SEMA5A: variants seen among roughly 807,000 people sequenced by gnomAD.
SEMA5A encodes semaphorin-5A.
SEMA5A carries 55 observed loss-of-function variants against 135.5 expected under a neutral mutation model. The ratio of observed to expected loss-of-function variants is 0.41; its 90% CI spans 0.33 to 0.51. The LOEUF (loss-of-function observed/expected upper bound fraction) is 0.51, where lower values mean the gene tolerates loss of function less well. Among genes scored for constraint, SEMA5A ranks in the 20% least tolerant of loss-of-function variants. SEMA5A has a pLI of 0.37. For missense variants in SEMA5A, 1,290 were observed against 1,419.9 expected (o/e 0.91, Z 1.47); for synonymous variants, 580 against 546.5 (o/e 1.06, Z -0.85).
At chr5:9,330,282 C>T (rs1055311447) in intron 4 of SEMA5A, among the ~76,000 whole-genome samples, 2 of 151,196 alleles carry the variant, frequency 1.3e-5, no homozygotes, top group East Asian at 1.9e-4. Flanking sequence ...CCCAGCTACT[C>T]GGGAGGCTGA....
intron 12 of SEMA5A, among the ~76,000 whole-genome samples, chr5:9,145,259 C>G (rs993783790): frequency 1.3e-5 from 2 of 152,108 alleles, no homozygotes; most frequent in African/African-American, 4.8e-5. Context: ...CCTAACATAG[C>G]CTCTCTCTCT....
chr5:9,278,619 A>T (rs1316661877), intron 5 of SEMA5A, among the ~76,000 whole-genome samples: 2 of 152,160 alleles, frequency 1.3e-5, no homozygotes, highest in African/African-American at 2.4e-5. Context: ...TCTAGGAGGG[A>T]AAAATGGTTT....
chr5:9,527,400 A>G (rs1737196136), intron 1 of SEMA5A, among the ~76,000 whole-genome samples: 1 of 152,178 alleles, frequency 6.6e-6, no homozygotes, highest in African/African-American at 2.4e-5. Flanking sequence ...TCCTACCATC[A>G]AGAGATGTTT....
chr5:9,324,988 C>A (rs538200996), intron 4 of SEMA5A, among the ~76,000 whole-genome samples: 22 of 152,176 alleles, frequency 1.4e-4, no homozygotes, highest in Non-Finnish European at 3.2e-4. Context: ...CTTCATAACA[C>A]CCCTAGATGT....
intron 3 of SEMA5A, among the ~76,000 whole-genome samples, chr5:9,339,829 TAGAA>T (rs1483686158): frequency 6.6e-6 from 1 of 152,142 alleles, no homozygotes; most frequent in African/African-American, 2.4e-5. Flanking sequence ...GAGCCCTTGA[TAGAA>T]AGAATGGTCT....
At chr5:9,158,052 T>C (rs896575377) in intron 11 of SEMA5A, among the ~76,000 whole-genome samples, 1 of 152,244 alleles carries the variant, frequency 6.6e-6, no homozygotes, top group African/African-American at 2.4e-5. Flanking sequence ...GTATGTGTAG[T>C]GGCTGCTATT....
intron 2 of SEMA5A, among the ~76,000 whole-genome samples, chr5:9,388,069 C>A (rs1351758312): frequency 6.6e-6 from 1 of 152,218 alleles, no homozygotes; most frequent in Non-Finnish European, 1.5e-5. Context: ...TACTCACTGC[C>A]ACCTTCAGGT....
rs546095115 is a variant in SEMA5A, at chr5:9,317,716, GT to G, written c.270+655del. Among the ~76,000 whole-genome samples the G allele has an allele frequency of 7.9e-3, 1,199 of 152,298 alleles. 8 individuals carry two copies. Among genetic ancestry groups the G allele is most frequent in the Non-Finnish European group, 0.013 (886 of 68,036 alleles). On this transcript the variant is annotated intron_variant, in intron 5 of 22. Transcript: ENST00000382496. ...AAGATTCTGGCATAGTCTGTAGGGA[GT>G]TCCAGAATCTTGGTGAAGAAGATAT... is the stretch of plus-strand genomic sequence containing the variant.
At chr5:9,337,901 T>C (rs1753466705) in intron 3 of SEMA5A, 89 bp from the exon 4 acceptor site, 2 of 881,456 alleles carry the variant, frequency 2.3e-6, no homozygotes, top group Non-Finnish European at 3.4e-6. Context: ...GTAGCAGACG[T>C]TACATTTCAG....
At chr5:9,456,688 G>A (rs929129646) in intron 1 of SEMA5A, among the ~76,000 whole-genome samples, 1 of 152,130 alleles carries the variant, frequency 6.6e-6, no homozygotes, top group Admixed American at 6.5e-5. Context: ...AAAGGCAGAA[G>A]GCTGGAACCA....
intron 6 of SEMA5A, among the ~76,000 whole-genome samples, chr5:9,232,659 A>G (rs573311635): frequency 7.8e-4 from 119 of 152,318 alleles, no homozygotes; most frequent in African/African-American, 2.7e-3. Flanking sequence ...TATATAAAAT[A>G]TACTATACTG....
intron 1 of SEMA5A, among the ~76,000 whole-genome samples, chr5:9,490,777 G>A (rs1561294701): frequency 6.6e-6 from 1 of 152,216 alleles, no homozygotes; most frequent in African/African-American, 2.4e-5. Flanking sequence ...CCCAGGGGAA[G>A]AGTGTCCTGG....
At position 9,063,014 on chromosome 5, in the gene SEMA5A, G is replaced by A; in HGVS notation, c.2391C>T (p.Ser797=). The part of the protein sequence containing the change: ...WSAWTSWSQC[S]RDCSRGIRNR... Reference sequence around the variant, plus strand: ...TCCGAATGCCCCTGCTGCAGTCACGGCTGCACTGTGACCACGACGTCCAGG... The same window carrying A: ...TCCGAATGCCCCTGCTGCAGTCACGACTGCACTGTGACCACGACGTCCAGG... The change falls in exon 18 of 23, where the codon AGC becomes AGT. Residue 797 remains serine (S), a synonymous_variant. Transcript: ENST00000382496. 1.9e-6 allele frequency: 3 copies of A among 1,614,220 alleles called. No individual in the cohort carries two copies. The highest frequency in any genetic ancestry group is 2.5e-6 in the Non-Finnish European group (3 of 1,180,036).
chr5:9,373,943 A>G (rs1755249091), intron 3 of SEMA5A, among the ~76,000 whole-genome samples: 1 of 152,262 alleles, frequency 6.6e-6, no homozygotes, highest in African/African-American at 2.4e-5. Flanking sequence ...CCTTAAGTAG[A>G]CATTAAACAT....
intron 13 of SEMA5A, among the ~76,000 whole-genome samples, chr5:9,124,550 A>C (rs985796118): frequency 3.3e-5 from 5 of 152,158 alleles, no homozygotes; most frequent in African/African-American, 9.6e-5. Flanking sequence ...TCCACCTCCC[A>C]GGTTCAAACG....
At chr5:9,047,997 G>A (rs905471813) in intron 21 of SEMA5A, among the ~76,000 whole-genome samples, 11 of 152,042 alleles carry the variant, frequency 7.2e-5, no homozygotes, top group African/African-American at 2.7e-4. Context: ...ACGTCTGGCA[G>A]CAGGCACAAA....
At chr5:9,066,392 G>A (rs1474518211) in intron 17 of SEMA5A, 29 bp downstream of exon 17, 1 of 1,594,862 alleles carries the variant, frequency 6.3e-7, no homozygotes, top group Non-Finnish European at 8.6e-7. Context: ...CCATGGAAGT[G>A]GGTCAGTCCC....
chr5:9,202,388 C>G, intron 8 of SEMA5A, 148 bp from the exon 9 acceptor site: 1 of 675,458 alleles, frequency 1.5e-6, no homozygotes, highest in Non-Finnish European at 2.4e-6. Flanking sequence ...CCGTGAGCAG[C>G]TTAATGATCT....
chr5:9,080,275 A>G (rs2150101442), intron 16 of SEMA5A, among the ~76,000 whole-genome samples: 1 of 152,340 alleles, frequency 6.6e-6, no homozygotes, highest in Non-Finnish European at 1.5e-5. Flanking sequence ...GGAAACCATC[A>G]TTCTCAGCAA....
Sources: allele counts gnomAD v4.1 joint callset (sites outside exome capture counted in the v4.1 genomes callset), GRCh38; gene constraint gnomAD v4.1.1; transcripts MANE v1.5; gene names NCBI Gene and HGNC (gene_info 2026-07-23, HGNC 2026-07-21).